The following SKAP2 variants were observed in gnomAD, a reference collection of about 807,000 sequenced individuals.
The protein encoded by SKAP2 is src kinase associated phosphoprotein 2, also known as src kinase-associated phosphoprotein 2.
In SKAP2, 28 loss-of-function variants were observed where a neutral mutation model predicts 54.9. That is an observed-to-expected ratio of 0.51 (90% CI 0.38 to 0.70). The LOEUF is 0.70. Among genes scored for constraint, SKAP2 ranks in the 30% least tolerant of loss-of-function variants. SKAP2 has a pLI of 0.00. For synonymous variants in SKAP2, 137 were observed against 134.3 expected (o/e 1.02, Z -0.14); for missense variants, 356 against 424.1 (o/e 0.84, Z 1.41).
chr7:26,732,920 C>G (rs1399681650), intron 6 of SKAP2, among the ~76,000 whole-genome samples: 3 of 152,156 alleles, frequency 2.0e-5, no homozygotes, highest in African/African-American at 7.2e-5. Flanking sequence ...TACTAAACAT[C>G]AGATGTACAT....
chr7:26,776,587 G>C (rs1783314486), intron 4 of SKAP2, among the ~76,000 whole-genome samples: 1 of 151,880 alleles, frequency 6.6e-6, no homozygotes, highest in African/African-American at 2.4e-5. Context: ...CAGTCTCTAA[G>C]TCCCATCAAC....
Position 26,725,518 on chromosome 7 carries a change from A to C in SKAP2, c.706T>G (p.Leu236Val). Residue 236 changes from leucine to valine, a missense_variant, in exon 9 of 13, where the codon TTA (leucine) becomes GTA (valine). Leu to Val is a conservative substitution (Grantham distance 32). Coordinates refer to ENST00000345317, the MANE Select transcript of SKAP2 (RefSeq NM_003930.5). ...AGAGGATGATCAACATCATCATATA[A>C]TTCTCCTCTCTCATCATAATCCTCA... is the stretch of plus-strand genomic sequence containing the variant. ...IPEDYDERGE[L>V]YDDVDHPLPI... 1.2e-6 allele frequency: 2 copies of C among 1,611,096 alleles called. No individual in the cohort carries two copies. The highest frequency in any genetic ancestry group is 1.7e-6 in the Non-Finnish European group (2 of 1,178,934).
intron 4 of SKAP2, among the ~76,000 whole-genome samples, chr7:26,756,473 C>A (rs1373650756): frequency 6.6e-6 from 1 of 152,144 alleles, no homozygotes; most frequent in African/African-American, 2.4e-5. Flanking sequence ...TGATGGTTTC[C>A]AGCTTCATCC....
At chr7:26,708,188 T>C (rs1327712632) in intron 9 of SKAP2, among the ~76,000 whole-genome samples, 1 of 152,172 alleles carries the variant, frequency 6.6e-6, no homozygotes, top group Non-Finnish European at 1.5e-5. Flanking sequence ...TTTCATAGCA[T>C]TTCTAAGCTA....
intron 4 of SKAP2, among the ~76,000 whole-genome samples, chr7:26,805,032 A>G (rs1335850913): frequency 1.3e-5 from 2 of 152,136 alleles, no homozygotes; most frequent in Non-Finnish European, 2.9e-5. Context: ...CTCTAGACAG[A>G]TAATATACTA....
chr7:26,812,743 C>T (rs1278073123), intron 4 of SKAP2, among the ~76,000 whole-genome samples: 2 of 151,958 alleles, frequency 1.3e-5, no homozygotes, highest in African/African-American at 4.8e-5. Context: ...CATCTATGGT[C>T]GTATCACTTT....
intron 4 of SKAP2, among the ~76,000 whole-genome samples, chr7:26,828,126 G>A (rs1047120681): frequency 1.3e-5 from 2 of 152,034 alleles, no homozygotes; most frequent in African/African-American, 4.8e-5. Context: ...TATTGACAAA[G>A]CCTGGCCCCG....
chr7:26,825,958 C>T (rs1210348302), intron 4 of SKAP2, among the ~76,000 whole-genome samples: 1 of 152,078 alleles, frequency 6.6e-6, no homozygotes, highest in Non-Finnish European at 1.5e-5. Flanking sequence ...TTTTTGCCTG[C>T]TCTTTGCTTT....
chr7:26,675,775 C>T (rs538099857), intron 11 of SKAP2, among the ~76,000 whole-genome samples: 47 of 152,234 alleles, frequency 3.1e-4, no homozygotes, highest in African/African-American at 1.1e-3. Flanking sequence ...GCTGAGTGGG[C>T]GATCTGAAGG....
chr7:26,676,572 T>C lies in SKAP2; in HGVS notation c.988-6380A>G, dbSNP rs1202922341. Among the ~76,000 whole-genome samples, 8 of 152,332 alleles carry C rather than the reference T, an allele frequency of 5.3e-5. No individual in the cohort carries two copies. In the East Asian group the frequency reaches 1.5e-3, roughly 29 times the overall value. On this transcript the variant is annotated intron_variant, in intron 11 of 12. Coordinates refer to ENST00000345317, the MANE Select transcript of SKAP2 (RefSeq NM_003930.5). ...GCTAGCACTAAGGTCCCCCTCACTC[T>C]ATGATCCTATCATTCTAAGTTCTTT...
intron 10 of SKAP2, among the ~76,000 whole-genome samples, chr7:26,685,747 G>A (rs776103747): frequency 1.3e-5 from 2 of 151,866 alleles, no homozygotes; most frequent in African/African-American, 4.8e-5. Flanking sequence ...CCTGAAACAC[G>A]GAACACAGCT....
At chr7:26,742,815 TGAGCATATG>T (rs1360689055) in intron 4 of SKAP2, among the ~76,000 whole-genome samples, 2 of 152,192 alleles carry the variant, frequency 1.3e-5, no homozygotes, top group Admixed American at 6.5e-5. Flanking sequence ...TATATCATCA[TGAGCATATG>T]GACAATACTT....
chr7:26,849,950 T>C (rs903762628), intron 3 of SKAP2, among the ~76,000 whole-genome samples: 7 of 152,154 alleles, frequency 4.6e-5, no homozygotes, highest in African/African-American at 1.4e-4. Context: ...CATCATTCTA[T>C]AAAGAAAGTA....
At chr7:26,661,873 G>A in the SKAP2 span, among the ~76,000 whole-genome samples, 26 of 152,040 alleles carry the variant, frequency 1.7e-4, no homozygotes, top group Non-Finnish European at 2.9e-4. Context: ...CATGTTTGAC[G>A]CTATTGTTGA....
chr7:26,738,270 C>T (rs989875729), intron 6 of SKAP2, among the ~76,000 whole-genome samples: 15 of 152,322 alleles, frequency 9.8e-5, no homozygotes, highest in Non-Finnish European at 2.1e-4. Flanking sequence ...GTGAGCTAAA[C>T]AAGTTAACAT....
chr7:26,663,971 T>C (rs1786062632), downstream of SKAP2, among the ~76,000 whole-genome samples: 1 of 152,210 alleles, frequency 6.6e-6, no homozygotes, highest in Non-Finnish European at 1.5e-5. Flanking sequence ...CAAATTCAGC[T>C]ATCCAATTGT....
intron 4 of SKAP2, among the ~76,000 whole-genome samples, chr7:26,756,076 A>AAT (rs1782785097): frequency 1.3e-5 from 2 of 152,238 alleles, no homozygotes; most frequent in African/African-American, 4.8e-5. Context: ...TGTGTGTATT[A>AAT]ATATGGAAAG....
At position 26,843,397 on chromosome 7, in the gene SKAP2, A is replaced by G. The variant is rs183974592; in HGVS notation, c.307+633T>C. 1.3e-4 allele frequency among the ~76,000 whole-genome samples: 20 copies of G among 152,210 alleles called. No individual in the cohort carries two copies. In the East Asian group the frequency reaches 3.7e-3, roughly 28 times the overall value. The stretch of plus-strand genomic sequence containing the variant: ...GGCTATAACAGAGAAAGTACATACT[A>G]CACTAAAAACAAGTTTCATAACTTT... On this transcript the variant is annotated intron_variant, in intron 4 of 12. Transcript: ENST00000345317.
intron 4 of SKAP2, among the ~76,000 whole-genome samples, chr7:26,743,753 T>A (rs1254828237): frequency 6.6e-6 from 1 of 152,198 alleles, no homozygotes; most frequent in African/African-American, 2.4e-5. Flanking sequence ...AAGCAAGGAA[T>A]GGGTCTTCTT....
Sources: allele counts gnomAD v4.1 joint callset (sites outside exome capture counted in the v4.1 genomes callset), GRCh38; gene constraint gnomAD v4.1.1; transcripts MANE v1.5; gene names NCBI Gene and HGNC (gene_info 2026-07-23, HGNC 2026-07-21).